The following ZFP91 variants were observed in gnomAD, a reference collection of about 807,000 sequenced individuals.
The protein encoded by ZFP91 is ZFP91 zinc finger protein, atypical E3 ubiquitin ligase, also known as E3 ubiquitin-protein ligase ZFP91.
A neutral mutation model predicts 63.5 loss-of-function variants in ZFP91; 7 were observed. The observed-to-expected ratio is 0.11, with a 90% CI of 0.06 to 0.21. The LOEUF is 0.21. Ranked by LOEUF, ZFP91 falls within the 10% of genes least tolerant of loss-of-function variation. ZFP91 has a pLI of 1.00. For synonymous variants in ZFP91, 330 were observed against 272.1 expected (o/e 1.21, Z -2.10); for missense variants, 628 against 736.6 (o/e 0.85, Z 1.71).
At chr11:58,607,912 A>C (rs1192024834) in intron 2 of ZFP91, among the ~76,000 whole-genome samples, 1 of 152,060 alleles carries the variant, frequency 6.6e-6, no homozygotes, top group Non-Finnish European at 1.5e-5. Context: ...TGCTATTATA[A>C]ACATAATACA....
intron 1 of ZFP91, 132 bp downstream of exon 1, chr11:58,579,754 C>T (rs1197786334): frequency 2.4e-6 from 2 of 846,940 alleles, no homozygotes; most frequent in African/African-American, 3.6e-5. Flanking sequence ...CGCCAGATGT[C>T]ACACCGTTTC....
chr11:58,605,804 A>G (rs1053561180), intron 2 of ZFP91, among the ~76,000 whole-genome samples: 8 of 152,032 alleles, frequency 5.3e-5, no homozygotes, highest in African/African-American at 1.9e-4. Flanking sequence ...ATATTCCCCA[A>G]TAGTTTTTCA....
At chr11:58,584,945 G>C in intron 2 of ZFP91, 61 bp downstream of exon 2, 1 of 1,296,374 alleles carries the variant, frequency 7.7e-7, no homozygotes, top group Non-Finnish European at 1.0e-6. Context: ...TAATCTGTTA[G>C]AAAGCCTCAT....
rs1855840286 is a variant in ZFP91, at chr11:58,620,937, A to G, written c.*3231A>G. On this transcript the variant is annotated 3_prime_UTR_variant, in exon 11 of 11. Coordinates refer to ENST00000316059, the MANE Select transcript of ZFP91 (RefSeq NM_053023.5). ...AAAGGTTATGTAAAAAGAAATTATA[A>G]TAAAAGGGATACTTTGCTTTTCAAA... 1 of 152,662 alleles carries G rather than the reference A, an allele frequency of 6.6e-6. No homozygotes were observed. Among genetic ancestry groups the G allele is most frequent in the African/African-American group, 2.4e-5 (1 of 41,474 alleles). The allele number at this position is 152,662 out of a possible 1,614,324, so 9.5% of individuals were successfully genotyped here.
Position 58,617,271 on chromosome 11 carries a change from C to T in ZFP91, c.1278C>T (p.Ser426=), listed in dbSNP as rs943980142. The T allele has an allele frequency of 1.2e-6, 2 of 1,613,774 alleles. No individual in the cohort carries two copies. Among genetic ancestry groups the T allele is most frequent in the Non-Finnish European group, 1.7e-6 (2 of 1,179,918 alleles). The change falls in exon 11 of 11, where the codon TCC becomes TCT. Residue 426 remains serine, a synonymous_variant. Transcript: ENST00000316059. The surrounding 1 kb of genome is among the most constrained non-coding windows in gnomAD (Gnocchi z 4.2). ...ACATGAAGAAACATGATGCAGACTC[C>T]TTCTACCAGTTTTCTTGCAATATCT... The part of the protein sequence containing the change: ...NWHMKKHDAD[S]FYQFSCNICG...
At chr11:58,591,377 G>A (rs1195970221) in intron 2 of ZFP91, among the ~76,000 whole-genome samples, 2 of 152,106 alleles carry the variant, frequency 1.3e-5, no homozygotes, top group Non-Finnish European at 2.9e-5. Context: ...GGATGTTTGG[G>A]CAGTTTTCAG....
At chr11:58,580,220 A>G (rs1855089520) in intron 1 of ZFP91, among the ~76,000 whole-genome samples, 1 of 152,146 alleles carries the variant, frequency 6.6e-6, no homozygotes. Context: ...TTCATATAAA[A>G]TTATATGAGC....
At chr11:58,610,541 G>C (rs913371672) in intron 4 of ZFP91, among the ~76,000 whole-genome samples, 3 of 152,154 alleles carry the variant, frequency 2.0e-5, no homozygotes, top group Non-Finnish European at 2.9e-5. Context: ...ATCATGTCTT[G>C]AGTATCTTCT....
intron 9 of ZFP91, 82 bp from the exon 10 acceptor site, chr11:58,616,634 C>G: frequency 9.1e-7 from 1 of 1,094,832 alleles, no homozygotes; most frequent in South Asian, 1.4e-5. Flanking sequence ...AATTGCCTGC[C>G]CCATCATCTG....
In ZFP91 at chr11:58,619,369, G is replaced by A. The variant is rs537432240; in HGVS notation, c.*1663G>A. 1.3e-5 allele frequency: 2 copies of A among 152,194 alleles called. No homozygotes were observed. The highest frequency in any genetic ancestry group is 4.8e-5 in the African/African-American group (2 of 41,528). 9.4% of individuals were successfully genotyped at this position (152,194 alleles called of 1,614,324 possible). A position where few individuals can be genotyped will look rare whatever the true frequency, so the allele number is the denominator to read the frequency against. ...AAATCCTATTTTGGCTCATCTTCAG[G>A]TAAAGAGTAATTCCTATCCTGTGTG... is the stretch of plus-strand genomic sequence containing the variant. On this transcript the variant is annotated 3_prime_UTR_variant, in exon 11 of 11. Transcript: ENST00000316059.
rs1855796651 is a variant in ZFP91 at position 58,618,730 on chromosome 11, A to G, written c.*1024A>G. On this transcript the variant is annotated 3_prime_UTR_variant, in exon 11 of 11. Transcript: ENST00000316059. Reference sequence around the variant, plus strand: ...CCAGCCTCTGAAATCATAGCTCTCCAGTGGCTTTTAAAGAAAGCTGGTCCT... The same window carrying G: ...CCAGCCTCTGAAATCATAGCTCTCCGGTGGCTTTTAAAGAAAGCTGGTCCT... The G allele has an allele frequency of 6.6e-6, 3 of 456,030 alleles. No homozygotes were observed. Among genetic ancestry groups the G allele is most frequent in the Non-Finnish European group, 1.3e-5 (3 of 226,772 alleles). 28.2% of individuals were successfully genotyped at this position (456,030 alleles called of 1,614,324 possible). A position where few individuals can be genotyped will look rare whatever the true frequency, so the allele number is the denominator to read the frequency against.
chr11:58,594,233 A>G (rs1196068212), intron 2 of ZFP91, among the ~76,000 whole-genome samples: 13 of 152,204 alleles, frequency 8.5e-5, no homozygotes, highest in Admixed American at 8.5e-4. Flanking sequence ...TCTCTGCTGC[A>G]GTCATGTTTA....
chr11:58,592,466 A>G (rs1449128808), intron 2 of ZFP91, among the ~76,000 whole-genome samples: 1 of 152,178 alleles, frequency 6.6e-6, no homozygotes, highest in Non-Finnish European at 1.5e-5. Context: ...TACTTTGACC[A>G]GAATGTTCTA....
chr11:58,579,356 T>C lies in ZFP91; in HGVS notation c.75T>C (p.Ala25=). The C allele has an allele frequency of 6.7e-7, 1 of 1,492,714 alleles. No homozygotes were observed. The highest frequency in any genetic ancestry group is 8.9e-7 in the Non-Finnish European group (1 of 1,125,878). The allele number at this position is 1,492,714 out of a possible 1,614,324, so 92.5% of individuals were successfully genotyped here. A position where few individuals can be genotyped will look rare whatever the true frequency, so the allele number is the denominator to read the frequency against. ...DQEGGEAAKA[A]PEEPQQRPPE... ...AAGGGGGAGAGGCGGCCAAGGCGGC[T>C]CCGGAGGAGCCCCAACAACGGCCCC... Residue 25 remains alanine, a synonymous_variant, in exon 1 of 11, where the codon GCT becomes GCC. Transcript: ENST00000316059.
intron 5 of ZFP91, 104 bp from the exon 6 acceptor site, chr11:58,611,500 G>T (rs1855661642): frequency 7.3e-7 from 1 of 1,377,672 alleles, no homozygotes; most frequent in African/African-American, 1.5e-5. Context: ...ACTGAGGAAG[G>T]TAGTTTTATA....
At position 58,609,819 on chromosome 11, in the gene ZFP91, T is replaced by C; in HGVS notation, c.371-11T>C. 6.2e-7 allele frequency: 1 copy of C among 1,613,346 alleles called. No individual in the cohort carries two copies. The highest frequency in any genetic ancestry group is 8.5e-7 in the Non-Finnish European group (1 of 1,179,286). On this transcript the variant is annotated splice_polypyrimidine_tract_variant and intron_variant, in intron 2 of 10. Coordinates refer to ENST00000316059, the MANE Select transcript of ZFP91 (RefSeq NM_053023.5). ...GTAAACTTAAAGAGAATGGTATGTC[T>C]TTTTATTTAGATCCCAAGGAAGAAA...
chr11:58,595,560 A>G (rs1462814055), intron 2 of ZFP91, among the ~76,000 whole-genome samples: 2 of 148,712 alleles, frequency 1.3e-5, no homozygotes, highest in Non-Finnish European at 1.5e-5. Context: ...CATTCCTGCC[A>G]GTAGTATCAA....
In ZFP91 at chr11:58,610,346, A is replaced by G; in HGVS notation, c.617+12A>G. Reference sequence around the variant, plus strand: ...CCAGGTGGCATTAGGTAAAAAAAACATTAATATTTCATTTTTAAACCTTTG... The same window carrying G: ...CCAGGTGGCATTAGGTAAAAAAAACGTTAATATTTCATTTTTAAACCTTTG... On this transcript the variant is annotated intron_variant, in intron 4 of 10. Coordinates refer to ENST00000316059, the MANE Select transcript of ZFP91 (RefSeq NM_053023.5). The G allele has an allele frequency of 1.9e-6, 3 of 1,559,108 alleles. No homozygotes were observed. Among genetic ancestry groups the G allele is most frequent in the Non-Finnish European group, 2.6e-6 (3 of 1,166,160 alleles).
rs1386501850 is a variant in ZFP91, at chr11:58,609,814, A to T, written c.371-16A>T. 1.2e-6 allele frequency: 2 copies of T among 1,608,666 alleles called. No individual in the cohort carries two copies. Among genetic ancestry groups the T allele is most frequent in the Non-Finnish European group, 1.7e-6 (2 of 1,175,064 alleles). On this transcript the variant is annotated splice_polypyrimidine_tract_variant and intron_variant, in intron 2 of 10. Coordinates refer to ENST00000316059, the MANE Select transcript of ZFP91 (RefSeq NM_053023.5). ...TAACTGTAAACTTAAAGAGAATGGT[A>T]TGTCTTTTTATTTAGATCCCAAGGA...
Sources: gnomAD v4.1 joint callset for allele counts (sites outside exome capture counted in the v4.1 genomes callset) on GRCh38, gnomAD v4.1.1 for gene constraint, Gnocchi (gnomAD v3.1) non-coding constraint, MANE v1.5 for transcripts, NCBI Gene and HGNC (gene_info 2026-07-23, HGNC 2026-07-21) for gene names.